NUP93: variants seen among roughly 807,000 people sequenced by gnomAD.
NUP93 encodes nuclear pore complex protein Nup93.
In NUP93, 55 loss-of-function variants were observed where a neutral mutation model predicts 107.8. That is an observed-to-expected ratio of 0.51 (90% CI 0.41 to 0.64). The LOEUF is 0.64. NUP93 is among the 30% of genes least tolerant of loss of function. The pLI is 0.00. For synonymous variants in NUP93, 390 were observed against 397.5 expected, an observed-to-expected ratio of 0.98 and a Z score of 0.22; for missense variants, 937 against 1,044.7, an observed-to-expected ratio of 0.90 and a Z score of 1.42.
At chr16:56,789,394 G>A (rs368751781) in intron 3 of NUP93, among the ~76,000 whole-genome samples, 3 of 152,340 alleles carry the variant, frequency 2.0e-5, no homozygotes, top group South Asian at 4.1e-4. Context: ...ACACAAATCC[G>A]TCACATAATT....
chr16:56,816,958 T>C (rs191983777), intron 5 of NUP93, among the ~76,000 whole-genome samples: 1 of 152,218 alleles, frequency 6.6e-6, no homozygotes, highest in East Asian at 1.9e-4. Flanking sequence ...TGATTGCCGT[T>C]GAAAGTAATG....
rs151076862 is a variant in NUP93 at position 56,836,651 on chromosome 16, A to G, written c.1833A>G (p.Lys611=). Residue 611 remains lysine, a synonymous_variant, in exon 17 of 22, where the codon AAA becomes AAG. Transcript: ENST00000308159. ...GTGACACAAAGCCTATTATCAACAA[A>G]GTTGCTTCTGTGGCAGAAAATAAAG... ...FTSDTKPIIN[K]VASVAENKGL... 4 of 1,614,148 alleles carry G rather than the reference A, an allele frequency of 2.5e-6. No individual in the cohort carries two copies. The highest frequency in any genetic ancestry group is 3.4e-6 in the Non-Finnish European group (4 of 1,179,986).
At chr16:56,747,486 C>A (rs1290008249) in intron 1 of NUP93, among the ~76,000 whole-genome samples, 9 of 151,750 alleles carry the variant, frequency 5.9e-5, no homozygotes, top group Non-Finnish European at 1.0e-4. Context: ...CAAGCAGGCA[C>A]AGATCTGTGC....
intron 1 of NUP93, among the ~76,000 whole-genome samples, chr16:56,730,580 C>T (rs1043400951): frequency 5.9e-5 from 9 of 152,208 alleles, no homozygotes; most frequent in African/African-American, 1.9e-4. Flanking sequence ...GCCTGCTTAC[C>T]TTCCTGACCG....
intron 20 of NUP93, among the ~76,000 whole-genome samples, chr16:56,840,248 C>T (rs545428435): frequency 2.6e-4 from 39 of 152,324 alleles, no homozygotes; most frequent in South Asian, 1.7e-3. Context: ...TCTCGATCTT[C>T]TGACCTCGTG....
chr16:56,817,834 A>G (rs565188972), intron 5 of NUP93, among the ~76,000 whole-genome samples: 1 of 152,358 alleles, frequency 6.6e-6, no homozygotes, highest in Non-Finnish European at 1.5e-5. Flanking sequence ...ACAGGTATGT[A>G]GCCTAGGAGC....
chr16:56,768,914 G>C (rs1962270409), intron 3 of NUP93, among the ~76,000 whole-genome samples: 1 of 151,774 alleles, frequency 6.6e-6, no homozygotes, highest in South Asian at 2.1e-4. Flanking sequence ...TAACATCAGG[G>C]AAGCAAAGCC....
intron 14 of NUP93, 42 bp from the exon 15 acceptor site, chr16:56,834,328 T>C (rs1963865903): frequency 1.9e-6 from 3 of 1,613,996 alleles, no homozygotes; most frequent in Non-Finnish European, 2.5e-6. Flanking sequence ...ATTAGAGACC[T>C]CATGTCCAGA....
At position 56,819,678 on chromosome 16, in the gene NUP93, C is replaced by T. The variant is rs60400660; in HGVS notation, c.564+940C>T. 6.5e-3 allele frequency among the ~76,000 whole-genome samples: 992 copies of T among 152,348 alleles called. 18 individuals are homozygous for T. The highest frequency in any genetic ancestry group is 0.023 in the African/African-American group (963 of 41,578). ...AACTGTTAGACCCTGTGCTCTTTAACCAAGGGGTCTGTCTTCAGCTGCCAG... is the reference window on the plus strand; with the variant it reads ...AACTGTTAGACCCTGTGCTCTTTAATCAAGGGGTCTGTCTTCAGCTGCCAG... On this transcript the variant is annotated intron_variant, in intron 6 of 21. Coordinates refer to ENST00000308159, the MANE Select transcript of NUP93 (RefSeq NM_014669.5).
intron 20 of NUP93, chr16:56,839,980 C>G (rs1963989341): frequency 5.2e-6 from 1 of 191,360 alleles, no homozygotes; most frequent in African/African-American, 2.4e-5. Flanking sequence ...TGAAACACAT[C>G]ATGATTCACT....
At chr16:56,770,579 C>G (rs1962301578) in intron 3 of NUP93, among the ~76,000 whole-genome samples, 1 of 152,136 alleles carries the variant, frequency 6.6e-6, no homozygotes, top group African/African-American at 2.4e-5. Context: ...GAAAATGGCT[C>G]CATAGTCACT....
At chr16:56,733,021 T>G (rs1287359241) in intron 1 of NUP93, among the ~76,000 whole-genome samples, 1 of 152,214 alleles carries the variant, frequency 6.6e-6, no homozygotes, top group Non-Finnish European at 1.5e-5. Context: ...CTTTCCCAGC[T>G]GGCTGCAGCA....
intron 3 of NUP93, among the ~76,000 whole-genome samples, chr16:56,788,138 G>A (rs12918981): frequency 6.6e-6 from 1 of 152,192 alleles, no homozygotes; most frequent in Non-Finnish European, 1.5e-5. Flanking sequence ...GGTTACCTCA[G>A]CAGTCTGACA....
chr16:56,837,092 C>CCTT (rs1430186708), intron 17 of NUP93, among the ~76,000 whole-genome samples: 1 of 152,160 alleles, frequency 6.6e-6, no homozygotes, highest in East Asian at 1.9e-4. Flanking sequence ...AAGACCACAT[C>CCTT]AGTGTGCAGG....
chr16:56,739,532 C>A (rs1183066350), intron 1 of NUP93, among the ~76,000 whole-genome samples: 1 of 118,988 alleles, frequency 8.4e-6, no homozygotes, highest in African/African-American at 3.4e-5. Context: ...GGCTGACCCC[C>A]CCCCACCTCC....
intron 3 of NUP93, among the ~76,000 whole-genome samples, chr16:56,786,722 T>A (rs1470927128): frequency 6.6e-6 from 1 of 152,206 alleles, no homozygotes; most frequent in African/African-American, 2.4e-5. Flanking sequence ...TGGGCAGAGT[T>A]GTTACGTTCA....
At chr16:56,829,886 T>TA (rs1963744714) in intron 9 of NUP93, among the ~76,000 whole-genome samples, 1 of 152,192 alleles carries the variant, frequency 6.6e-6, no homozygotes, top group Non-Finnish European at 1.5e-5. Context: ...AGTGCCAAGA[T>TA]AGGAGGCCTG....
At chr16:56,755,677 C>G (rs889419545) in intron 2 of NUP93, among the ~76,000 whole-genome samples, 54 of 152,144 alleles carry the variant, frequency 3.5e-4, no homozygotes, top group African/African-American at 1.3e-3. Context: ...GAGTTCAACC[C>G]CAGCTTGGCC....
In NUP93 at chr16:56,805,040, C is replaced by G. The variant is rs150731270; in HGVS notation, c.361-464C>G. 5.2e-3 allele frequency among the ~76,000 whole-genome samples: 788 copies of G among 152,108 alleles called. 5 individuals are homozygous for G. The highest frequency in any genetic ancestry group is 0.013 in the South Asian group (64 of 4,820). ...ATTTTTTTGGAGATAAGGTCTTGCT[C>G]TGTTGCCCAGGTTGGAGTGCAGTTT... On this transcript the variant is annotated intron_variant, in intron 4 of 21. Coordinates refer to ENST00000308159, the MANE Select transcript of NUP93 (RefSeq NM_014669.5).
Sources: allele counts gnomAD v4.1 joint callset (sites outside exome capture counted in the v4.1 genomes callset), GRCh38; gene constraint gnomAD v4.1.1; transcripts MANE v1.5; gene names NCBI Gene and HGNC (gene_info 2026-07-23, HGNC 2026-07-21).